SFMBT2: variants seen among roughly 807,000 people sequenced by gnomAD.
SFMBT2 encodes Scm like with four mbt domains 2.
A neutral mutation model predicts 110.1 loss-of-function variants in SFMBT2; 38 were observed. The observed-to-expected ratio is 0.35, with a 90% confidence interval of 0.27 to 0.45. SFMBT2 has a LOEUF of 0.45. Among genes scored for constraint, SFMBT2 ranks in the 20% least tolerant of loss-of-function variants. The pLI is 1.00. For synonymous variants in SFMBT2, 425 were observed against 425.4 expected, an observed-to-expected ratio of 1.00 and a Z score of 0.01; for missense variants, 1,011 against 1,094.9, an observed-to-expected ratio of 0.92 and a Z score of 1.08.
intron 4 of SFMBT2, among the ~76,000 whole-genome samples, chr10:7,354,954 A>C (rs1379790714): frequency 6.6e-6 from 1 of 152,368 alleles, no homozygotes; most frequent in Admixed American, 6.5e-5. Flanking sequence ...GACGTAAGTC[A>C]TAAATGATTT....
chr10:7,161,670 C>T lies in SFMBT2; in HGVS notation c.*2100G>A, dbSNP rs988016254. 3.3e-5 allele frequency: 5 copies of T among 152,172 alleles called. No homozygotes were observed. The highest frequency in any genetic ancestry group is 6.5e-5 in the Admixed American group (1 of 15,276). 9.4% of individuals were successfully genotyped at this position (152,172 alleles called of 1,614,324 possible). A position where few individuals can be genotyped will look rare whatever the true frequency, so the allele number is the denominator to read the frequency against. ...GAGGTCCCCAGGCAGATGCATCAGCCGAACTCTAAAACTTGATTCTAGAAA... is the reference window on the plus strand; with the variant it reads ...GAGGTCCCCAGGCAGATGCATCAGCTGAACTCTAAAACTTGATTCTAGAAA... On this transcript the variant is annotated 3_prime_UTR_variant, in exon 21 of 21. Transcript: ENST00000397167.
intron 4 of SFMBT2, among the ~76,000 whole-genome samples, chr10:7,346,277 G>A (rs1435989425): frequency 6.6e-6 from 1 of 152,104 alleles, no homozygotes; most frequent in Non-Finnish European, 1.5e-5. Context: ...GACACTTGTA[G>A]GATCTTTCTG....
At chr10:7,390,625 A>C (rs572685755) in intron 1 of SFMBT2, among the ~76,000 whole-genome samples, 1 of 152,220 alleles carries the variant, frequency 6.6e-6, no homozygotes, top group East Asian at 1.9e-4. Context: ...TAAAGAAAAA[A>C]AAGTCCATGA....
rs558434612 is a variant in SFMBT2 at position 7,214,581 on chromosome 10, T to C, written c.1330+5830A>G. ...ATTCTACGGACTTATGGGATCCCCA[T>C]ACTGCTCCTCAAACACACTTGCAGA... On this transcript the variant is annotated intron_variant, in intron 11 of 20. Transcript: ENST00000397167. 8 of 985,476 alleles carry C rather than the reference T, an allele frequency of 8.1e-6. No homozygotes were observed. In the African/African-American group the frequency reaches 1.2e-4, roughly 15 times the overall value. 61.0% of individuals were successfully genotyped at this position (985,476 alleles called of 1,614,324 possible).
chr10:7,365,797 T>G (rs774386706), intron 4 of SFMBT2, among the ~76,000 whole-genome samples: 18 of 152,060 alleles, frequency 1.2e-4, no homozygotes, highest in Non-Finnish European at 2.4e-4. Context: ...AAACAGAAAG[T>G]GCATTAGTGT....
chr10:7,367,598 G>A lies in SFMBT2; in HGVS notation c.436+51C>T, dbSNP rs376352880. ...CTCTGCTCCTTGCAAAATTACAGGC[G>A]TCATGAAGGATGGCGGCTCGTAAAT... is the stretch of plus-strand genomic sequence containing the variant. On this transcript the variant is annotated intron_variant, in intron 4 of 20. Transcript: ENST00000397167. This position sits in a 1 kb window ranked among gnomAD's most constrained non-coding sequence, Gnocchi z 6.2. The A allele has an allele frequency of 2.0e-5, 32 of 1,579,028 alleles. No homozygotes were observed. The highest frequency in any genetic ancestry group is 8.6e-5 in the Admixed American group (5 of 58,422).
chr10:7,258,953 G>C (rs2131766731), intron 7 of SFMBT2, among the ~76,000 whole-genome samples: 1 of 152,326 alleles, frequency 6.6e-6, no homozygotes, highest in Non-Finnish European at 1.5e-5. Flanking sequence ...CAGAGGTAAA[G>C]AGCGATTTTG....
chr10:7,201,608 G>A (rs188489087), intron 13 of SFMBT2, among the ~76,000 whole-genome samples: 3 of 152,228 alleles, frequency 2.0e-5, no homozygotes, highest in South Asian at 2.1e-4. Flanking sequence ...ATTTAAACTC[G>A]ACTACCGCAA....
chr10:7,192,859 T>C (rs17332181), intron 15 of SFMBT2, among the ~76,000 whole-genome samples: 3,140 of 152,248 alleles, frequency 0.021, 46 homozygotes, highest in Admixed American at 0.037. Flanking sequence ...GGTGCCGCAC[T>C]ACTTCTTTGA....
At chr10:7,197,784 G>A (rs1012018905) in intron 14 of SFMBT2, 97 bp from the exon 15 acceptor site, 1 of 1,493,076 alleles carries the variant, frequency 6.7e-7, no homozygotes, top group African/African-American at 1.4e-5. Flanking sequence ...CAGGGAAAAG[G>A]ACCACACAGA....
At chr10:7,174,535 C>CA (rs1484157352) in intron 17 of SFMBT2, among the ~76,000 whole-genome samples, 2 of 152,210 alleles carry the variant, frequency 1.3e-5, no homozygotes, top group African/African-American at 2.4e-5. Flanking sequence ...TAAATTAACC[C>CA]AAAGGATCTT....
chr10:7,284,347 C>G (rs1486936050), intron 5 of SFMBT2, 197 bp from the exon 6 acceptor site: 1 of 1,361,498 alleles, frequency 7.3e-7, no homozygotes, highest in Non-Finnish European at 9.4e-7. Flanking sequence ...ATCCATGTAC[C>G]CCATTCCGTA....
chr10:7,206,979 A>G, intron 11 of SFMBT2: 2 of 967,642 alleles, frequency 2.1e-6, no homozygotes, highest in Non-Finnish European at 1.2e-6. Flanking sequence ...TAATCCCAGC[A>G]CTTTGGGAGG....
At chr10:7,305,316 AG>A (rs1297557494) in intron 4 of SFMBT2, among the ~76,000 whole-genome samples, 1 of 152,218 alleles carries the variant, frequency 6.6e-6, no homozygotes, top group Non-Finnish European at 1.5e-5. Context: ...AATGATATTT[AG>A]GTTCTTTTAC....
At chr10:7,252,097 A>G (rs1840830006) in intron 7 of SFMBT2, among the ~76,000 whole-genome samples, 1 of 152,112 alleles carries the variant, frequency 6.6e-6, no homozygotes, top group South Asian at 2.1e-4. Flanking sequence ...AGCCCTTTCT[A>G]CATCGCAGGC....
rs1554808803 is a variant in SFMBT2 at position 7,354,099 on chromosome 10, A to AAT, written c.436+13548_436+13549dup. Among the ~76,000 whole-genome samples, 269 of 151,336 alleles carry AAT rather than the reference A, an allele frequency of 1.8e-3. 3 individuals carry two copies. Among genetic ancestry groups the AAT allele is most frequent in the Middle Eastern group, 6.8e-3 (2 of 294 alleles). Reference sequence around the variant, plus strand: ...GAGACTCCCTCTCCAAAAAAAAAAAAATATAAATAAAACAAAAAAATAAAT... The same window carrying AAT: ...GAGACTCCCTCTCCAAAAAAAAAAAAATATATAAATAAAACAAAAAAATAAAT... On this transcript the variant is annotated intron_variant, in intron 4 of 20. Coordinates refer to ENST00000397167, the MANE Select transcript of SFMBT2 (RefSeq NM_001387889.1).
At chr10:7,209,808 C>A (rs1839276222) in intron 11 of SFMBT2, among the ~76,000 whole-genome samples, 1 of 152,186 alleles carries the variant, frequency 6.6e-6, no homozygotes, top group South Asian at 2.1e-4. Context: ...CCAAGATAAA[C>A]CTTTATGACT....
chr10:7,263,467 C>G (rs1221023770), intron 7 of SFMBT2, among the ~76,000 whole-genome samples: 3 of 152,174 alleles, frequency 2.0e-5, no homozygotes. Flanking sequence ...GTCTCGAACT[C>G]CTGACCTCAG....
rs1383877740 is a variant in SFMBT2 at position 7,301,331 on chromosome 10, GT to G, written c.437-15378del. 6.6e-6 allele frequency among the ~76,000 whole-genome samples: 1 copy of G among 152,234 alleles called. No homozygotes were observed. The highest frequency in any genetic ancestry group is 1.5e-5 in the Non-Finnish European group (1 of 68,040). On this transcript the variant is annotated intron_variant, in intron 4 of 20. Transcript: ENST00000397167. The surrounding 1 kb of genome is among the most constrained non-coding windows in gnomAD (Gnocchi z 4.2). ...AGTTGCCAGTCCCTCTACAGGGATC[GT>G]TTTGAAAGGAGAGATGCCACAGAAA... is the stretch of plus-strand genomic sequence containing the variant.
Sources: allele counts gnomAD v4.1 joint callset (sites outside exome capture counted in the v4.1 genomes callset), GRCh38; gene constraint gnomAD v4.1.1; non-coding constraint Gnocchi (gnomAD v3.1); transcripts MANE v1.5; gene names NCBI Gene and HGNC (gene_info 2026-07-23, HGNC 2026-07-21).